Variants in UBE2G1 observed in about 807,000 individuals in gnomAD.
The protein encoded by UBE2G1 is ubiquitin conjugating enzyme E2 G1.
In UBE2G1, 5 loss-of-function variants were observed where a neutral mutation model predicts 22.7. The observed-to-expected ratio is 0.22, with a 90% CI of 0.12 to 0.46. The LOEUF (loss-of-function observed/expected upper bound fraction) is 0.46. Ranked by LOEUF, UBE2G1 falls within the 20% of genes least tolerant of loss-of-function variation. The pLI, the probability that UBE2G1 is intolerant of heterozygous loss-of-function variation, is 0.99. For missense variants in UBE2G1, 88 were observed against 203.9 expected (o/e 0.43, Z 3.46); for synonymous variants, 74 against 67.5 (o/e 1.10, Z -0.47).
chr17:4,330,460 A>C (rs1214956572), intron 1 of UBE2G1, among the ~76,000 whole-genome samples: 1 of 152,176 alleles, frequency 6.6e-6, no homozygotes. Flanking sequence ...AATTTCAGCC[A>C]GTCGCGGTGG....
chr17:4,349,825 A>G (rs1054187666), intron 1 of UBE2G1, among the ~76,000 whole-genome samples: 1 of 149,294 alleles, frequency 6.7e-6, no homozygotes, highest in Non-Finnish European at 1.5e-5. Flanking sequence ...TCTCGGCGAC[A>G]GAGCGAGATT....
chr17:4,301,625 C>T (rs1019291668), intron 2 of UBE2G1: 3 of 949,420 alleles, frequency 3.2e-6, no homozygotes, highest in Middle Eastern at 2.2e-4. Flanking sequence ...TATGATGGGG[C>T]ACAATTACTT....
intron 5 of UBE2G1, among the ~76,000 whole-genome samples, chr17:4,275,393 GA>G (rs1253770805): frequency 2.0e-5 from 3 of 152,152 alleles, no homozygotes; most frequent in Non-Finnish European, 4.4e-5. Flanking sequence ...CCATTTCGCA[GA>G]ATTTATGTTT....
intron 5 of UBE2G1, among the ~76,000 whole-genome samples, chr17:4,277,402 C>G (rs1335378525): frequency 6.6e-6 from 1 of 152,224 alleles, no homozygotes; most frequent in Non-Finnish European, 1.5e-5. Flanking sequence ...TCCCTCTAGC[C>G]TTGGTGCAGA....
At chr17:4,347,435 G>A (rs1439564015) in intron 1 of UBE2G1, among the ~76,000 whole-genome samples, 2 of 139,334 alleles carry the variant, frequency 1.4e-5, no homozygotes, top group Non-Finnish European at 3.1e-5. Flanking sequence ...TGATGTCTCT[G>A]TGTCATATTT....
At chr17:4,334,026 T>C (rs1055589926) in intron 1 of UBE2G1, among the ~76,000 whole-genome samples, 1 of 151,890 alleles carries the variant, frequency 6.6e-6, no homozygotes, top group Admixed American at 6.6e-5. Context: ...AGGTCTTGAA[T>C]TGTGGCACGT....
intron 1 of UBE2G1, among the ~76,000 whole-genome samples, chr17:4,363,610 T>C (rs1969993128): frequency 6.6e-6 from 1 of 152,172 alleles, no homozygotes; most frequent in Non-Finnish European, 1.5e-5. Context: ...TTCTTAGTAA[T>C]GCATAACTTC....
intron 2 of UBE2G1, chr17:4,301,737 G>A: frequency 3.1e-6 from 2 of 652,000 alleles, no homozygotes; most frequent in South Asian, 1.4e-5. Context: ...GGATTGGTGG[G>A]GAGTGCTCAG....
chr17:4,328,105 T>C (rs1287227260), intron 1 of UBE2G1, among the ~76,000 whole-genome samples: 1 of 152,130 alleles, frequency 6.6e-6, no homozygotes, highest in East Asian at 1.9e-4. Flanking sequence ...TCACCAAAAT[T>C]TCTTAGTTTT....
At chr17:4,352,781 T>C (rs1053570719) in intron 1 of UBE2G1, among the ~76,000 whole-genome samples, 5 of 152,100 alleles carry the variant, frequency 3.3e-5, no homozygotes, top group Admixed American at 3.3e-4. Context: ...CATTCAAAAA[T>C]ATTTTGTATG....
intron 3 of UBE2G1, among the ~76,000 whole-genome samples, chr17:4,289,830 G>A (rs943194456): frequency 1.3e-5 from 2 of 152,038 alleles, no homozygotes; most frequent in Non-Finnish European, 2.9e-5. Context: ...CTAACTTACC[G>A]ACTTAAATTG....
intron 4 of UBE2G1, among the ~76,000 whole-genome samples, chr17:4,287,102 AT>A (rs60149939): frequency 0.36 from 49,622 of 136,118 alleles, 9,384 homozygotes; most frequent in African/African-American, 0.48. Context: ...GTCAGCTCTG[AT>A]TTTTTTTTTT....
intron 1 of UBE2G1, among the ~76,000 whole-genome samples, chr17:4,329,350 G>C (rs1213151170): frequency 2.0e-5 from 3 of 151,796 alleles, no homozygotes; most frequent in East Asian, 3.9e-4. Flanking sequence ...AGTGAGCAGA[G>C]ATCGCACCAT....
chr17:4,292,109 G>A (rs1016100485), intron 3 of UBE2G1, among the ~76,000 whole-genome samples: 1 of 151,958 alleles, frequency 6.6e-6, no homozygotes, highest in African/African-American at 2.4e-5. Context: ...GCTGAGGCGG[G>A]CGGATCACCT....
Position 4,285,512 on chromosome 17 carries a change from A to C in UBE2G1, c.427-2591T>G, listed in dbSNP as rs146630311. 5.3e-4 allele frequency among the ~76,000 whole-genome samples: 80 copies of C among 152,318 alleles called. 1 individual carries two copies. Among genetic ancestry groups the C allele is most frequent in the Middle Eastern group, 3.4e-3 (1 of 294 alleles). ...GGATTTAATTGCCACATACCCTAAA[A>C]CATTACTCTAGGATGAAGGAAGAAA... On this transcript the variant is annotated intron_variant, in intron 4 of 5. Coordinates refer to ENST00000396981, the MANE Select transcript of UBE2G1 (RefSeq NM_003342.5).
At chr17:4,309,193 A>T (rs1351532412) in intron 1 of UBE2G1, among the ~76,000 whole-genome samples, 1 of 152,252 alleles carries the variant, frequency 6.6e-6, no homozygotes, top group Non-Finnish European at 1.5e-5. Context: ...TGGAAGGCAG[A>T]GGCTGCAGTG....
In UBE2G1 at chr17:4,280,336, CTTTTTTTTTTTTTTT is replaced by C. The variant is rs71144178; in HGVS notation, c.*37+2447_*37+2461del. Among the ~76,000 whole-genome samples, 3 of 68,950 alleles carry C rather than the reference CTTTTTTTTTTTTTTT, an allele frequency of 4.4e-5. 1 individual carries two copies. Among genetic ancestry groups the C allele is most frequent in the Non-Finnish European group, 7.7e-5 (3 of 39,040 alleles). 45.2% of individuals were successfully genotyped at this position (68,950 alleles called of 152,430 possible). Reference sequence around the variant, plus strand: ...ACAAGTGTGAGCCGCGGCACCTGGGCTTTTTTTTTTTTTTTTTTTTTTTTTTTTGAGATGGAGTCT... The same window carrying C: ...ACAAGTGTGAGCCGCGGCACCTGGGCTTTTTTTTTTTTTGAGATGGAGTCT... On this transcript the variant is annotated intron_variant, in intron 5 of 5. Transcript: ENST00000396981.
At chr17:4,307,793 T>C (rs1382453264) in intron 1 of UBE2G1, among the ~76,000 whole-genome samples, 2 of 151,796 alleles carry the variant, frequency 1.3e-5, no homozygotes, top group African/African-American at 4.8e-5. Context: ...CATCGTGAGG[T>C]TCTCCTCCTC....
intron 1 of UBE2G1, among the ~76,000 whole-genome samples, chr17:4,351,877 AAATACCAG>A (rs1158684732): frequency 2.6e-5 from 4 of 152,218 alleles, no homozygotes; most frequent in Non-Finnish European, 4.4e-5. Context: ...AACAGACTCA[AAATACCAG>A]ATGCGGCCAT....
Sources: allele counts gnomAD v4.1 joint callset (sites outside exome capture counted in the v4.1 genomes callset), GRCh38; gene constraint gnomAD v4.1.1; transcripts MANE v1.5; gene names NCBI Gene and HGNC (gene_info 2026-07-23, HGNC 2026-07-21).